The following FRMPD3 variants were observed in gnomAD, a reference collection of about 807,000 sequenced individuals.
FRMPD3 encodes FERM and PDZ domain containing 3.
Under a neutral mutation model 97.9 loss-of-function variants are expected in FRMPD3, and 42 were observed. That is an observed-to-expected ratio of 0.43 (90% CI 0.34 to 0.55). The LOEUF (loss-of-function observed/expected upper bound fraction) is 0.55. Among genes scored for constraint, FRMPD3 ranks in the 20% least tolerant of loss-of-function variants. The probability of loss-of-function intolerance (pLI) is 0.03; values close to 1 mark genes in which losing one functional copy is unlikely to be tolerated. For synonymous variants in FRMPD3, 577 were observed against 581.1 expected, an observed-to-expected ratio of 0.99 and a Z score of 0.10; for missense variants, 1,303 against 1,457.7, an observed-to-expected ratio of 0.89 and a Z score of 1.73.
At chrX:107,541,074 G>T (rs2058737066) in intron 4 of FRMPD3, among the ~76,000 whole-genome samples, 1 of 113,252 alleles carries the variant, frequency 8.8e-6, no homozygotes, top group African/African-American at 3.2e-5. Flanking sequence ...TTCCAGTAAA[G>T]CTTTATTTAC....
At chrX:107,487,289 A>G (rs1921533275) in intron 1 of FRMPD3, among the ~76,000 whole-genome samples, 1 of 110,982 alleles carries the variant, frequency 9.0e-6, no homozygotes, top group African/African-American at 3.3e-5. Context: ...ATAATTATCA[A>G]AAAGAAATGG....
At chrX:107,595,365 G>A (rs1403933862) in intron 13 of FRMPD3, among the ~76,000 whole-genome samples, 1 of 110,041 alleles carries the variant, frequency 9.1e-6, no homozygotes, top group Non-Finnish European at 1.9e-5. Context: ...GAATTTCCCA[G>A]ACTCCCTTCT....
At chrX:107,532,001 CA>C (rs1362314190) in intron 3 of FRMPD3, among the ~76,000 whole-genome samples, 2 of 112,056 alleles carry the variant, frequency 1.8e-5, no homozygotes, top group Non-Finnish European at 3.8e-5. Flanking sequence ...CTCGATGCAC[CA>C]GGCACTGTTC....
chrX:107,480,222 G>A (rs1439322119), intron 1 of FRMPD3, among the ~76,000 whole-genome samples: 2 of 111,466 alleles, frequency 1.8e-5, no homozygotes, highest in East Asian at 5.6e-4. Context: ...TGAGTCGCAG[G>A]CTCTAAGAGC....
rs769330895 is a variant in FRMPD3, at chrX:107,513,864, A to T, written c.-7-12718A>T. 3.6e-5 allele frequency among the ~76,000 whole-genome samples: 4 copies of T among 112,505 alleles called. No individual in the cohort carries two copies. The South Asian group carries it at 1.5e-3, about 42-fold the overall frequency. On this transcript the variant is annotated intron_variant, in intron 1 of 14. Coordinates refer to ENST00000683843, the MANE Select transcript of FRMPD3 (RefSeq NM_001388459.1). Reference sequence around the variant, plus strand: ...AGTGGAGGAGATATACTGTTGTACAAAAAAGACAGAGTTCCTACTTTTATG... The same window carrying T: ...AGTGGAGGAGATATACTGTTGTACATAAAAGACAGAGTTCCTACTTTTATG...
intron 1 of FRMPD3, among the ~76,000 whole-genome samples, chrX:107,469,067 A>T (rs1003980179): frequency 1.8e-5 from 2 of 111,892 alleles, no homozygotes; most frequent in African/African-American, 3.3e-5. Flanking sequence ...ATAGAGAAAG[A>T]TATGTAGAGT....
chrX:107,597,927 C>G lies in FRMPD3; in HGVS notation c.2048C>G (p.Pro683Arg), dbSNP rs1391806838. The change falls in exon 14 of 15, where the codon CCC (proline) becomes CGC (arginine). Residue 683 changes from proline to arginine, a missense_variant. Physicochemically the swap from Pro to Arg is moderately radical, Grantham distance 103. This residue lies in a region of FRMPD3 where 535 missense variants were observed against 618.6 expected (regional missense o/e 0.86). Coordinates refer to ENST00000683843, the MANE Select transcript of FRMPD3 (RefSeq NM_001388459.1). ...FRDNSSDEDD[P>R]KRRAVQSQEQ... ...GACAACAGCTCTGATGAGGATGACC[C>G]CAAGCGCCGGGCTGTCCAGAGCCAG... 10 of 1,210,656 alleles carry G rather than the reference C, an allele frequency of 8.3e-6. No individual in the cohort carries two copies. Among genetic ancestry groups the G allele is most frequent in the Non-Finnish European group, 1.0e-5 (9 of 895,357 alleles).
chrX:107,600,378 C>A lies in FRMPD3; in HGVS notation c.2339C>A (p.Thr780Lys). Reference sequence around the variant, plus strand: ...CATGAAACCAACTCTTCAGAGCTCACAGACATGTCAGAGATGATGTCGGCC... The same window carrying A: ...CATGAAACCAACTCTTCAGAGCTCAAAGACATGTCAGAGATGATGTCGGCC... ...SGHETNSSEL[T>K]DMSEMMSAMK... Residue 780 changes from threonine (T) to lysine (K), a missense_variant, in exon 15 of 15, where the codon ACA becomes AAA. This residue lies in a region of FRMPD3 where 4 missense variants were observed against 18.9 expected (regional missense o/e 0.21). Coordinates refer to ENST00000683843, the MANE Select transcript of FRMPD3 (RefSeq NM_001388459.1). 5 of 1,210,767 alleles carry A rather than the reference C, an allele frequency of 4.1e-6. No individual in the cohort carries two copies. Among genetic ancestry groups the A allele is most frequent in the Non-Finnish European group, 3.4e-6 (3 of 895,348 alleles).
At chrX:107,589,378 G>A (rs760262079) in intron 13 of FRMPD3, among the ~76,000 whole-genome samples, 2 of 110,610 alleles carry the variant, frequency 1.8e-5, no homozygotes, top group Admixed American at 1.9e-4. Context: ...TTTGCTGGGG[G>A]TTCACGTCAG....
chrX:107,490,330 T>A (rs1921626213), intron 1 of FRMPD3, among the ~76,000 whole-genome samples: 1 of 112,203 alleles, frequency 8.9e-6, no homozygotes, highest in African/African-American at 3.2e-5. Flanking sequence ...GGCTCTTTTT[T>A]GGTTCCATAT....
At chrX:107,557,797 CTATATATATATA>C (rs59276897) in intron 8 of FRMPD3, among the ~76,000 whole-genome samples, 2,844 of 29,981 alleles carry the variant, frequency 0.095, 259 homozygotes, top group African/African-American at 0.22. Flanking sequence ...AATCTGTTGT[CTATATATATATA>C]TATATATATA....
chrX:107,505,938 C>T (rs1922019198), intron 1 of FRMPD3, among the ~76,000 whole-genome samples: 1 of 111,771 alleles, frequency 8.9e-6, no homozygotes, highest in Non-Finnish European at 1.9e-5. Context: ...GTTGTCTCTG[C>T]AAGCCCTGTC....
chrX:107,602,118 G>A lies in FRMPD3; in HGVS notation c.4079G>A (p.Arg1360Gln), dbSNP rs774722059. 7.9e-5 allele frequency: 95 copies of A among 1,209,000 alleles called. No individual in the cohort carries two copies. The highest frequency in any genetic ancestry group is 9.5e-5 in the Non-Finnish European group (85 of 894,915). The change falls in exon 15 of 15, where the codon CGA (arginine) becomes CAA (glutamine). Residue 1360 changes from arginine to glutamine, a missense_variant. Physicochemically the swap from Arg to Gln is conservative, Grantham distance 43. Transcript: ENST00000683843. Reference protein sequence around the residue: ...QRIRSTSLESRECRSDPESGV... With the variant: ...QRIRSTSLESQECRSDPESGV... ...ATTCGTTCTACCAGCCTGGAGTCCC[G>A]AGAGTGCCGATCGGACCCTGAGAGT...
At chrX:107,554,609 G>A in intron 8 of FRMPD3, 105 bp downstream of exon 8, 1 of 1,042,034 alleles carries the variant, frequency 9.6e-7, no homozygotes, top group Non-Finnish European at 1.3e-6. Flanking sequence ...CCAACCTCCA[G>A]GTAGCCCTGA....
chrX:107,513,468 A>G (rs149626671), intron 1 of FRMPD3: 7,247 of 111,215 alleles, frequency 0.065, 219 homozygotes, highest in Middle Eastern at 0.11. Flanking sequence ...ATAGTTGTCT[A>G]CCCTTAAAAA....
intron 5 of FRMPD3, 52 bp from the exon 6 acceptor site, chrX:107,549,997 T>C: frequency 2.4e-6 from 2 of 819,026 alleles, no homozygotes. Context: ...TCTGGCTTCC[T>C]ACTTCCTTCT....
intron 8 of FRMPD3, among the ~76,000 whole-genome samples, chrX:107,559,215 G>A (rs1922242430): frequency 9.0e-6 from 1 of 110,885 alleles, no homozygotes; most frequent in Non-Finnish European, 1.9e-5. Flanking sequence ...TAATCCACCA[G>A]TCTCCGCCTC....
chrX:107,465,558 CA>C (rs1271905365), intron 1 of FRMPD3, among the ~76,000 whole-genome samples: 5 of 111,691 alleles, frequency 4.5e-5, no homozygotes, highest in Admixed American at 9.5e-5. Flanking sequence ...ACAGCACACA[CA>C]AAAAAAGTAT....
At chrX:107,511,674 T>A (rs1922168784) in intron 1 of FRMPD3, among the ~76,000 whole-genome samples, 1 of 112,877 alleles carries the variant, frequency 8.9e-6, no homozygotes, top group South Asian at 3.7e-4. Flanking sequence ...AGAGGGGTGC[T>A]ATTTGAGCCC....
Sources: gnomAD v4.1 joint callset for allele counts (sites outside exome capture counted in the v4.1 genomes callset) on GRCh38, gnomAD v4.1.1 for gene constraint, gnomAD v4.1.1 regional missense constraint, MANE v1.5 for transcripts, NCBI Gene and HGNC (gene_info 2026-07-23, HGNC 2026-07-21) for gene names.